SPON1: variants seen among roughly 807,000 people sequenced by gnomAD.
SPON1 encodes the protein spondin-1.
Under a neutral mutation model 111.7 loss-of-function variants are expected in SPON1, and 52 were observed. The observed-to-expected ratio is 0.47, with a 90% CI of 0.37 to 0.59. The LOEUF (loss-of-function observed/expected upper bound fraction) is 0.59, where lower values mean the gene tolerates loss of function less well. Among genes scored for constraint, SPON1 ranks in the 20% least tolerant of loss-of-function variants. The probability of loss-of-function intolerance (pLI) is 0.00; values close to 1 mark genes in which losing one functional copy is unlikely to be tolerated. For synonymous variants in SPON1, 410 were observed against 395.8 expected (o/e 1.04, Z -0.43); for missense variants, 957 against 1,068.5 (o/e 0.90, Z 1.46).
intron 1 of SPON1, among the ~76,000 whole-genome samples, chr11:13,964,289 T>G (rs1847998777): frequency 1.3e-5 from 2 of 152,198 alleles, no homozygotes; most frequent in Admixed American, 1.3e-4. Flanking sequence ...TCAGCTCTGG[T>G]GCTAAGCAGG....
intron 1 of SPON1, among the ~76,000 whole-genome samples, chr11:13,964,451 G>T (rs529838589): frequency 4.6e-5 from 7 of 152,306 alleles, no homozygotes; most frequent in African/African-American, 1.7e-4. Flanking sequence ...GGGCGCCAGG[G>T]TCACGCCGGA....
intron 7 of SPON1, among the ~76,000 whole-genome samples, chr11:14,249,346 A>T (rs569783242): frequency 2.6e-5 from 4 of 152,268 alleles, no homozygotes; most frequent in Non-Finnish European, 4.4e-5. Flanking sequence ...TGTCCTCGGG[A>T]TGCTAAAGGA....
intron 6 of SPON1, among the ~76,000 whole-genome samples, chr11:14,153,715 C>T (rs10832204): frequency 0.39 from 59,700 of 152,054 alleles, 11,977 homozygotes; most frequent in East Asian, 0.55. Flanking sequence ...AAAGTCTTAA[C>T]TCATTCCAGA....
intron 6 of SPON1, among the ~76,000 whole-genome samples, chr11:14,163,476 C>A (rs532678960): frequency 6.6e-6 from 1 of 152,110 alleles, no homozygotes; most frequent in Non-Finnish European, 1.5e-5. Context: ...CTCCAGTCAG[C>A]CTCCCTAAAC....
At chr11:14,103,168 T>C (rs1849157038) in intron 5 of SPON1, among the ~76,000 whole-genome samples, 1 of 152,324 alleles carries the variant, frequency 6.6e-6, no homozygotes, top group African/African-American at 2.4e-5. Context: ...CTCTTCTGTT[T>C]GCTTTCTTCT....
chr11:14,048,283 A>C (rs1159827063), intron 3 of SPON1, among the ~76,000 whole-genome samples: 1 of 152,198 alleles, frequency 6.6e-6, no homozygotes, highest in Non-Finnish European at 1.5e-5. Context: ...ATCTGGCAGC[A>C]AAGTTCAGGA....
At chr11:14,010,368 G>A (rs1848394831) in intron 2 of SPON1, among the ~76,000 whole-genome samples, 1 of 152,106 alleles carries the variant, frequency 6.6e-6, no homozygotes, top group Non-Finnish European at 1.5e-5. Flanking sequence ...GGCAGACTGG[G>A]AGCTCAGAAA....
chr11:14,022,198 G>T (rs1320393080), intron 2 of SPON1, among the ~76,000 whole-genome samples: 1 of 152,198 alleles, frequency 6.6e-6, no homozygotes, highest in Non-Finnish European at 1.5e-5. Context: ...AAGACATTTG[G>T]TTATTTTTAA....
At chr11:14,084,094 T>C (rs1554922331) in intron 5 of SPON1, among the ~76,000 whole-genome samples, 1 of 152,160 alleles carries the variant, frequency 6.6e-6, no homozygotes, top group Non-Finnish European at 1.5e-5. Context: ...GGCAGAGATC[T>C]AATGAAATTA....
chr11:14,170,646 G>A (rs144592895), intron 6 of SPON1, among the ~76,000 whole-genome samples: 5,822 of 151,608 alleles, frequency 0.038, 171 homozygotes, highest in Middle Eastern at 0.059. Flanking sequence ...CATAGATAGC[G>A]CTTATTATTG....
intron 7 of SPON1, among the ~76,000 whole-genome samples, chr11:14,244,863 C>T (rs1247764965): frequency 2.0e-5 from 3 of 152,186 alleles, no homozygotes; most frequent in African/African-American, 4.8e-5. Flanking sequence ...CGCAGGTGGG[C>T]GGAACACACG....
chr11:14,124,027 C>G (rs993494429), intron 5 of SPON1, among the ~76,000 whole-genome samples: 2 of 152,188 alleles, frequency 1.3e-5, no homozygotes, highest in Non-Finnish European at 2.9e-5. Flanking sequence ...TGAGCATATG[C>G]AGATCTGGGA....
At chr11:14,163,478 T>C (rs1847991180) in intron 6 of SPON1, among the ~76,000 whole-genome samples, 1 of 152,076 alleles carries the variant, frequency 6.6e-6, no homozygotes, top group Non-Finnish European at 1.5e-5. Flanking sequence ...CCAGTCAGCC[T>C]CCCTAAACTC....
At chr11:14,067,960 T>C (rs781958342) in intron 3 of SPON1, among the ~76,000 whole-genome samples, 2 of 152,230 alleles carry the variant, frequency 1.3e-5, no homozygotes, top group Admixed American at 1.3e-4. Flanking sequence ...TCTTTGTATC[T>C]CTAAGTCCTA....
chr11:14,144,634 C>CAATAATAATAATAATAATAAT (rs71041573), intron 6 of SPON1, among the ~76,000 whole-genome samples: 6 of 142,972 alleles, frequency 4.2e-5, no homozygotes, highest in African/African-American at 1.6e-4. Flanking sequence ...ACTCCATCTC[C>CAATAATAATAATAATAATAAT]AATAATAATA....
chr11:14,195,679 A>AGTTCAT (rs1345445862), intron 6 of SPON1, among the ~76,000 whole-genome samples: 1 of 152,216 alleles, frequency 6.6e-6, no homozygotes, highest in Non-Finnish European at 1.5e-5. Context: ...TGGCATGCAG[A>AGTTCAT]GGCTGCAGAA....
intron 6 of SPON1, among the ~76,000 whole-genome samples, chr11:14,142,770 A>G (rs1277436901): frequency 6.6e-6 from 1 of 152,224 alleles, no homozygotes; most frequent in Non-Finnish European, 1.5e-5. Flanking sequence ...TGTAACAGGA[A>G]CCCACTGAAA....
In SPON1 at chr11:14,210,459, C is replaced by A. The variant is rs548282297; in HGVS notation, c.826-32873C>A. 1.7e-4 allele frequency among the ~76,000 whole-genome samples: 26 copies of A among 151,150 alleles called. No homozygotes were observed. In the South Asian group the frequency reaches 5.0e-3, roughly 29 times the overall value. ...GCCCAAGCAAGCTGGAGTGCAGTGGCACAATCTCAGCTCACTGCAACCTCC... is the reference window on the plus strand; with the variant it reads ...GCCCAAGCAAGCTGGAGTGCAGTGGAACAATCTCAGCTCACTGCAACCTCC... On this transcript the variant is annotated intron_variant, in intron 6 of 15. Transcript: ENST00000576479.
Position 14,255,537 on chromosome 11 carries a change from T to C in SPON1, c.1093-110T>C, listed in dbSNP as rs141702131. ...ATTCCATAAATATAAATAGTAGTTA[T>C]GCTTGTTAAATTCCTATCAAGGACT... On this transcript the variant is annotated intron_variant, in intron 8 of 15. Coordinates refer to ENST00000576479, the MANE Select transcript of SPON1 (RefSeq NM_006108.4). 10 of 945,638 alleles carry C rather than the reference T, an allele frequency of 1.1e-5. No homozygotes were observed. The African/African-American group carries it at 1.1e-4, about 11-fold the overall frequency. 58.6% of individuals were successfully genotyped at this position (945,638 alleles called of 1,614,324 possible). A position where few individuals can be genotyped will look rare whatever the true frequency, so the allele number is the denominator to read the frequency against.
Sources: allele counts gnomAD v4.1 joint callset (sites outside exome capture counted in the v4.1 genomes callset), GRCh38; gene constraint gnomAD v4.1.1; transcripts MANE v1.5; gene names NCBI Gene and HGNC (gene_info 2026-07-23, HGNC 2026-07-21).